Variants in CLMP observed in about 807,000 individuals in gnomAD.
The protein encoded by CLMP is CXADR like cell adhesion molecule.
Under a neutral mutation model 45.2 loss-of-function variants are expected in CLMP, and 27 were observed. That is an observed-to-expected ratio of 0.60 (90% CI 0.44 to 0.82). The LOEUF is 0.82. CLMP is among the 40% of genes least tolerant of loss of function. The pLI is 0.00. For missense variants in CLMP, 403 were observed against 448.4 expected (o/e 0.90, Z 0.91); for synonymous variants, 167 against 171.4 (o/e 0.97, Z 0.20).
chr11:123,102,107 T>G (rs1045522677), intron 1 of CLMP, among the ~76,000 whole-genome samples: 1 of 151,736 alleles, frequency 6.6e-6, no homozygotes, highest in Non-Finnish European at 1.5e-5. Flanking sequence ...TCACCTGAGC[T>G]TGGAAAGTCG....
At chr11:123,189,723 A>G (rs574505517) in intron 1 of CLMP, among the ~76,000 whole-genome samples, 44 of 152,172 alleles carry the variant, frequency 2.9e-4, no homozygotes, top group Non-Finnish European at 5.6e-4. Context: ...AGTAGAAGAA[A>G]ATGGCCAGGC....
chr11:123,178,307 G>A (rs2135546009), intron 1 of CLMP, among the ~76,000 whole-genome samples: 1 of 152,328 alleles, frequency 6.6e-6, no homozygotes, highest in South Asian at 2.1e-4. Flanking sequence ...CATTCTGTAG[G>A]AGAGGTCAAG....
At chr11:123,150,111 A>G (rs1861292386) in intron 1 of CLMP, among the ~76,000 whole-genome samples, 1 of 151,702 alleles carries the variant, frequency 6.6e-6, no homozygotes, top group Admixed American at 6.6e-5. Flanking sequence ...AGACTCTGAA[A>G]GGTTTCTCAG....
intron 1 of CLMP, among the ~76,000 whole-genome samples, chr11:123,181,618 G>A (rs1034508011): frequency 2.0e-5 from 3 of 152,064 alleles, no homozygotes; most frequent in Non-Finnish European, 4.4e-5. Context: ...GGTCTTGTAC[G>A]GCACTATCTC....
Position 123,087,960 on chromosome 11 carries a change from G to T in CLMP, c.187-3247C>A, listed in dbSNP as rs566332886. ...AGTTTCACTCTTTTTGCCCAGGCTGGGGTGCAATGGCATGATCTTGGCTCA... is the reference window on the plus strand; with the variant it reads ...AGTTTCACTCTTTTTGCCCAGGCTGTGGTGCAATGGCATGATCTTGGCTCA... On this transcript the variant is annotated intron_variant, in intron 2 of 6. Coordinates refer to ENST00000448775, the MANE Select transcript of CLMP (RefSeq NM_024769.5). 2.0e-4 allele frequency among the ~76,000 whole-genome samples: 31 copies of T among 151,756 alleles called. No homozygotes were observed. In the East Asian group the frequency reaches 3.3e-3, roughly 16 times the overall value.
intron 1 of CLMP, among the ~76,000 whole-genome samples, chr11:123,152,566 AAAAT>A (rs1555084856): frequency 5.6e-5 from 8 of 143,918 alleles, no homozygotes; most frequent in South Asian, 2.1e-4. Context: ...AAATAAATAA[AAAAT>A]AAATAAAATG....
In CLMP at chr11:123,073,887, G is replaced by A. The variant is rs560576843; in HGVS notation, c.822-113C>T. 561 of 1,111,714 alleles carry A rather than the reference G, an allele frequency of 5.0e-4. 8 individuals are homozygous for A. In the South Asian group the frequency reaches 7.4e-3, roughly 15 times the overall value. 68.9% of individuals were successfully genotyped at this position (1,111,714 alleles called of 1,614,324 possible). A position where few individuals can be genotyped will look rare whatever the true frequency, so the allele number is the denominator to read the frequency against. ...TGAACCTCAGATAATACCATCGGAA[G>A]GCAACCATTTAGGGTCATAGGTGCT... On this transcript the variant is annotated intron_variant, in intron 6 of 6. Coordinates refer to ENST00000448775, the MANE Select transcript of CLMP (RefSeq NM_024769.5).
At chr11:123,132,008 T>G (rs1406748533) in intron 1 of CLMP, among the ~76,000 whole-genome samples, 1 of 152,192 alleles carries the variant, frequency 6.6e-6, no homozygotes, top group Non-Finnish European at 1.5e-5. Flanking sequence ...CAATCTTGTT[T>G]AAAGCACGTT....
chr11:123,096,990 G>A (rs941334022), intron 2 of CLMP, among the ~76,000 whole-genome samples: 2 of 151,938 alleles, frequency 1.3e-5, no homozygotes, highest in East Asian at 3.9e-4. Context: ...CTGGGACTAT[G>A]GGCATGTGGC....
At chr11:123,158,642 AT>A (rs1861445971) in intron 1 of CLMP, among the ~76,000 whole-genome samples, 2 of 152,198 alleles carry the variant, frequency 1.3e-5, no homozygotes, top group Admixed American at 1.3e-4. Context: ...CTATCTGATT[AT>A]TTACAGTCTC....
intron 1 of CLMP, among the ~76,000 whole-genome samples, chr11:123,147,565 A>T (rs1387895295): frequency 1.3e-5 from 2 of 152,198 alleles, no homozygotes; most frequent in Non-Finnish European, 2.9e-5. Flanking sequence ...GGTGTGAGCC[A>T]CCATGCCCAG....
Position 123,174,960 on chromosome 11 carries a change from T to G in CLMP, c.28+19953A>C, listed in dbSNP as rs1401404926. ...TCTATTGCAAAAGTGGTAGCTTTTC[T>G]TTGGTGTTTTAGAGACAAGATCTCG... is the stretch of plus-strand genomic sequence containing the variant. On this transcript the variant is annotated intron_variant, in intron 1 of 6. Transcript: ENST00000448775. 2.6e-5 allele frequency among the ~76,000 whole-genome samples: 4 copies of G among 152,100 alleles called. No homozygotes were observed. The South Asian group carries it at 8.3e-4, about 32-fold the overall frequency.
chr11:123,111,528 C>A (rs191292578), intron 1 of CLMP, among the ~76,000 whole-genome samples: 6 of 152,312 alleles, frequency 3.9e-5, no homozygotes, highest in Admixed American at 3.9e-4. Flanking sequence ...AAGAACTGGC[C>A]CATCCAACTA....
chr11:123,165,803 G>A (rs1251862416), intron 1 of CLMP, among the ~76,000 whole-genome samples: 3 of 152,070 alleles, frequency 2.0e-5, no homozygotes, highest in East Asian at 1.9e-4. Context: ...GGTCTACCCA[G>A]GACAAGCAGG....
chr11:123,142,470 C>T (rs1258092786), intron 1 of CLMP, among the ~76,000 whole-genome samples: 1 of 152,136 alleles, frequency 6.6e-6, no homozygotes, highest in Non-Finnish European at 1.5e-5. Flanking sequence ...TTCCACAGTG[C>T]CTGGCAGAGA....
chr11:123,175,670 G>A (rs905272615), intron 1 of CLMP, among the ~76,000 whole-genome samples: 1 of 152,186 alleles, frequency 6.6e-6, no homozygotes, highest in Non-Finnish European at 1.5e-5. Context: ...AAGTATTTTA[G>A]CTTTGGCTCA....
intron 1 of CLMP, among the ~76,000 whole-genome samples, chr11:123,139,535 A>G (rs1861125191): frequency 6.6e-6 from 1 of 152,168 alleles, no homozygotes; most frequent in Non-Finnish European, 1.5e-5. Context: ...TCTAAAATGG[A>G]TGGTAGAAGG....
At position 123,073,318 on chromosome 11, in the gene CLMP, A is replaced by G; in HGVS notation, c.*156T>C. On this transcript the variant is annotated 3_prime_UTR_variant, in exon 7 of 7. Coordinates refer to ENST00000448775, the MANE Select transcript of CLMP (RefSeq NM_024769.5). Reference sequence around the variant, plus strand: ...TCCTTTTGCTTGTTTGGTATTGTATAAGGAAAATGCTCATCTGAATCTGTT... The same window carrying G: ...TCCTTTTGCTTGTTTGGTATTGTATGAGGAAAATGCTCATCTGAATCTGTT... The G allele has an allele frequency of 1.2e-6, 1 of 818,884 alleles. No homozygotes were observed. Among genetic ancestry groups the G allele is most frequent in the Admixed American group, 2.8e-5 (1 of 35,678 alleles). The allele number at this position is 818,884 out of a possible 1,614,324, so 50.7% of individuals were successfully genotyped here.
At chr11:123,156,200 C>G (rs1253089579) in intron 1 of CLMP, among the ~76,000 whole-genome samples, 3 of 152,220 alleles carry the variant, frequency 2.0e-5, no homozygotes, top group African/African-American at 7.2e-5. Flanking sequence ...GAGGATACAA[C>G]AAGAAGGCAA....
Sources: gnomAD v4.1 joint callset for allele counts (sites outside exome capture counted in the v4.1 genomes callset) on GRCh38, gnomAD v4.1.1 for gene constraint, MANE v1.5 for transcripts, NCBI Gene and HGNC (gene_info 2026-07-23, HGNC 2026-07-21) for gene names.